The following KPNA4 variants were observed in gnomAD, a reference collection of about 807,000 sequenced individuals.
KPNA4 encodes karyopherin subunit alpha 4.
KPNA4 carries 13 observed loss-of-function variants against 71.3 expected under a neutral mutation model. The observed-to-expected ratio is 0.18, with a 90% CI of 0.12 to 0.29. KPNA4 has a LOEUF of 0.29. Ranked by LOEUF, KPNA4 falls within the 10% of genes least tolerant of loss-of-function variation. KPNA4 has a pLI of 1.00. For missense variants in KPNA4, 334 were observed against 603.2 expected (o/e 0.55, Z 4.67); for synonymous variants, 189 against 195.2 (o/e 0.97, Z 0.26).
intron 13 of KPNA4, among the ~76,000 whole-genome samples, chr3:160,511,655 G>C (rs933815479): frequency 5.9e-5 from 9 of 151,390 alleles, no homozygotes; most frequent in Non-Finnish European, 1.2e-4. Context: ...AAATGTCAAA[G>C]AAATCTTAAA....
chr3:160,525,001 A>G (rs1410462398), intron 10 of KPNA4, among the ~76,000 whole-genome samples: 1 of 152,208 alleles, frequency 6.6e-6, no homozygotes, highest in East Asian at 1.9e-4. Flanking sequence ...TAAACATTTC[A>G]TTCATGTGTT....
chr3:160,560,981 C>A (rs1722232206), intron 1 of KPNA4, among the ~76,000 whole-genome samples: 1 of 151,790 alleles, frequency 6.6e-6, no homozygotes, highest in African/African-American at 2.4e-5. Flanking sequence ...ACTCTGTACA[C>A]TTTAACAAAT....
At chr3:160,524,278 CTT>C (rs1169081654) in intron 10 of KPNA4, among the ~76,000 whole-genome samples, 1 of 152,274 alleles carries the variant, frequency 6.6e-6, no homozygotes, top group East Asian at 1.9e-4. Context: ...ACCAAGATGT[CTT>C]GTTTTCTAGT....
In KPNA4 at chr3:160,542,347, C is replaced by G. The variant is rs536158729; in HGVS notation, c.70-5507G>C. On this transcript the variant is annotated intron_variant, in intron 1 of 16. Coordinates refer to ENST00000334256, the MANE Select transcript of KPNA4 (RefSeq NM_002268.5). ...AGCATAACTAGAAAAGTATGTTTTC[C>G]TATTTCTTATTTCTCTCTCTCTGCA... Among the ~76,000 whole-genome samples the G allele has an allele frequency of 4.6e-5, 7 of 152,142 alleles. No homozygotes were observed. The South Asian group carries it at 1.4e-3, about 32-fold the overall frequency.
chr3:160,534,349 T>G (rs1721637250), intron 5 of KPNA4, among the ~76,000 whole-genome samples: 1 of 152,142 alleles, frequency 6.6e-6, no homozygotes, highest in South Asian at 2.1e-4. Flanking sequence ...CCAACCTATT[T>G]ATTAATACAA....
intron 1 of KPNA4, among the ~76,000 whole-genome samples, chr3:160,546,287 G>A (rs756765193): frequency 2.6e-5 from 4 of 152,174 alleles, no homozygotes; most frequent in Admixed American, 2.0e-4. Flanking sequence ...GGAGGCTAAG[G>A]CGGGTGGATC....
intron 1 of KPNA4, among the ~76,000 whole-genome samples, chr3:160,563,977 T>C (rs958177831): frequency 3.4e-5 from 5 of 147,210 alleles, no homozygotes; most frequent in Non-Finnish European, 6.2e-5. Flanking sequence ...CCAAAAAATA[T>C]CTCAGTCAAG....
At chr3:160,559,935 A>G (rs1364907777) in intron 1 of KPNA4, among the ~76,000 whole-genome samples, 1 of 152,112 alleles carries the variant, frequency 6.6e-6, no homozygotes, top group Admixed American at 6.5e-5. Flanking sequence ...TCTCATATTA[A>G]CCACAGAAAA....
intron 6 of KPNA4, 92 bp downstream of exon 6, chr3:160,531,370 C>T (rs1221978369): frequency 3.1e-6 from 2 of 641,506 alleles, no homozygotes; most frequent in East Asian, 6.4e-5. Flanking sequence ...CCCTTTTCTT[C>T]TTTCTTTAAA....
chr3:160,531,882 T>C (rs1218910855), intron 5 of KPNA4, among the ~76,000 whole-genome samples: 4 of 152,202 alleles, frequency 2.6e-5, no homozygotes, highest in Non-Finnish European at 4.4e-5. Context: ...AAGCTCTGCC[T>C]TCTGGGTTCC....
chr3:160,520,928 C>T (rs998504905), intron 11 of KPNA4, among the ~76,000 whole-genome samples: 1 of 152,190 alleles, frequency 6.6e-6, no homozygotes, highest in Admixed American at 6.5e-5. Flanking sequence ...AGCTTAACAG[C>T]TACTGCTTAT....
intron 1 of KPNA4, among the ~76,000 whole-genome samples, chr3:160,560,790 A>C (rs1722228163): frequency 6.6e-6 from 1 of 152,092 alleles, no homozygotes; most frequent in Admixed American, 6.6e-5. Context: ...GAAGTACAGA[A>C]ACAGTCATTT....
Position 160,565,310 on chromosome 3 carries a change from C to A in KPNA4, c.-28G>T. 6.4e-7 allele frequency: 1 copy of A among 1,560,968 alleles called. No individual in the cohort carries two copies. Among genetic ancestry groups the A allele is most frequent in the South Asian group, 1.2e-5 (1 of 85,546 alleles). On this transcript the variant is annotated 5_prime_UTR_variant, in exon 1 of 17. Transcript: ENST00000334256. Reference sequence around the variant, plus strand: ...CCGGGCCGGTGACTCCTTCCCCCGCCCGGGCCCCGCGGGATCCGCCCCAAC... The same window carrying A: ...CCGGGCCGGTGACTCCTTCCCCCGCACGGGCCCCGCGGGATCCGCCCCAAC...
At chr3:160,511,713 T>TA (rs1270299035) in intron 13 of KPNA4, among the ~76,000 whole-genome samples, 33 of 118,166 alleles carry the variant, frequency 2.8e-4, no homozygotes, top group African/African-American at 6.3e-4. Context: ...CTTTGTTATT[T>TA]TTATATATAT....
intron 15 of KPNA4, 93 bp downstream of exon 15, chr3:160,508,014 C>T: frequency 1.0e-6 from 1 of 970,238 alleles, no homozygotes; most frequent in East Asian, 2.6e-5. Context: ...ATATCTAAGA[C>T]AGAAAAATAT....
chr3:160,520,522 A>G (rs1184267136), intron 11 of KPNA4, among the ~76,000 whole-genome samples: 1 of 151,948 alleles, frequency 6.6e-6, no homozygotes, highest in Non-Finnish European at 1.5e-5. Context: ...CGGCCTCCCA[A>G]AGTGCTGGGA....
intron 1 of KPNA4, among the ~76,000 whole-genome samples, chr3:160,561,349 G>A (rs1386264078): frequency 6.6e-6 from 1 of 151,888 alleles, no homozygotes; most frequent in East Asian, 1.9e-4. Context: ...TTTATTTCAA[G>A]TTTGGTCACT....
chr3:160,562,127 T>C (rs1722256394), intron 1 of KPNA4, among the ~76,000 whole-genome samples: 3 of 152,166 alleles, frequency 2.0e-5, no homozygotes, highest in African/African-American at 7.2e-5. Context: ...AATGCTATAC[T>C]CTGTACATGG....
chr3:160,514,313 A>T, intron 12 of KPNA4, 132 bp from the exon 13 acceptor site: 1 of 590,494 alleles, frequency 1.7e-6, no homozygotes, highest in Non-Finnish European at 2.8e-6. Context: ...AATCTCAGGA[A>T]TCTCAATTCC....
Sources: gnomAD v4.1 joint callset for allele counts (sites outside exome capture counted in the v4.1 genomes callset) on GRCh38, gnomAD v4.1.1 for gene constraint, MANE v1.5 for transcripts, NCBI Gene and HGNC (gene_info 2026-07-23, HGNC 2026-07-21) for gene names.